Variants in SUPT5H observed in about 807,000 individuals in gnomAD.
The protein encoded by SUPT5H is SPT5 homolog, DSIF elongation factor subunit, also known as transcription elongation factor SPT5.
SUPT5H carries 24 observed loss-of-function variants against 142.5 expected under a neutral mutation model. That is an observed-to-expected ratio of 0.17 (90% CI 0.12 to 0.24). The LOEUF is 0.24. Ranked by LOEUF, SUPT5H falls within the 10% of genes least tolerant of loss-of-function variation. The pLI is 1.00. For synonymous variants in SUPT5H, 546 were observed against 553.0 expected, an observed-to-expected ratio of 0.99 and a Z score of 0.18; for missense variants, 893 against 1,471.8, an observed-to-expected ratio of 0.61 and a Z score of 6.43.
At chr19:39,464,006 G>T (rs1418817309) in intron 10 of SUPT5H, among the ~76,000 whole-genome samples, 1 of 140,204 alleles carries the variant, frequency 7.1e-6, no homozygotes, top group Non-Finnish European at 1.5e-5. Context: ...TTTTTGAGAC[G>T]GAGTTTTGCT....
chr19:39,451,779 G>C (rs1237602457), intron 2 of SUPT5H, among the ~76,000 whole-genome samples: 1 of 152,160 alleles, frequency 6.6e-6, no homozygotes, highest in Non-Finnish European at 1.5e-5. Context: ...TGATCCACCC[G>C]CTTTGGCCTC....
intron 3 of SUPT5H, among the ~76,000 whole-genome samples, chr19:39,457,112 G>A (rs746736068): frequency 6.6e-5 from 10 of 152,324 alleles, no homozygotes; most frequent in African/African-American, 1.2e-4. Context: ...GAGCCAGACT[G>A]CCTCTCTCAG....
chr19:39,458,935 T>C lies in SUPT5H; in HGVS notation c.389+48T>C, dbSNP rs770010771. 3.1e-6 allele frequency: 5 copies of C among 1,613,668 alleles called. No individual in the cohort carries two copies. The highest frequency in any genetic ancestry group is 1.7e-6 in the Non-Finnish European group (2 of 1,179,762). On this transcript the variant is annotated intron_variant, in intron 6 of 29. Coordinates refer to ENST00000432763, the MANE Select transcript of SUPT5H (RefSeq NM_001111020.3). The surrounding 1 kb of genome is among the most constrained non-coding windows in gnomAD (Gnocchi z 4.2). Reference sequence around the variant, plus strand: ...GTGGGATTGGCTCCTGTGGGGAGATTTGGGAGTAGGTCAGCCCACCTGCTG... The same window carrying C: ...GTGGGATTGGCTCCTGTGGGGAGATCTGGGAGTAGGTCAGCCCACCTGCTG...
rs760085581 is a variant in SUPT5H, at chr19:39,468,638, G to A, written c.1038-118G>A. Reference sequence around the variant, plus strand: ...CTGCCAAGAGGGTGTGTGCTGGGATGGGATGGGTCAGTCTGCCTGTGGTCC... The same window carrying A: ...CTGCCAAGAGGGTGTGTGCTGGGATAGGATGGGTCAGTCTGCCTGTGGTCC... On this transcript the variant is annotated intron_variant, in intron 13 of 29. Coordinates refer to ENST00000432763, the MANE Select transcript of SUPT5H (RefSeq NM_001111020.3). 9.7e-6 allele frequency: 8 copies of A among 821,002 alleles called. No individual in the cohort carries two copies. In the East Asian group the frequency reaches 1.3e-4, roughly 13 times the overall value. The allele number at this position is 821,002 out of a possible 1,614,324, so 50.9% of individuals were successfully genotyped here.
At chr19:39,461,205 A>C (rs1343708519) in intron 10 of SUPT5H, among the ~76,000 whole-genome samples, 1 of 151,398 alleles carries the variant, frequency 6.6e-6, no homozygotes, top group East Asian at 1.9e-4. Context: ...CAGGAGAATC[A>C]CTTGAATCTA....
intron 13 of SUPT5H, chr19:39,467,479 G>C (rs765630793): frequency 6.6e-6 from 1 of 152,236 alleles, no homozygotes; most frequent in Non-Finnish European, 1.5e-5. Flanking sequence ...CCCTTGGCAC[G>C]TAGTAAGTGT....
rs992822089 is a variant in SUPT5H at position 39,472,686 on chromosome 19, G to A, written c.2036-124G>A. Reference sequence around the variant, plus strand: ...CTTCCATAGGAAAGCCATGGGGCAGGGGTGGGCAGAGGAGGCTCTTAACCC... The same window carrying A: ...CTTCCATAGGAAAGCCATGGGGCAGAGGTGGGCAGAGGAGGCTCTTAACCC... On this transcript the variant is annotated intron_variant, in intron 21 of 29. Coordinates refer to ENST00000432763, the MANE Select transcript of SUPT5H (RefSeq NM_001111020.3). The surrounding 1 kb of genome is among the most constrained non-coding windows in gnomAD (Gnocchi z 4.2). 6.9e-7 allele frequency: 1 copy of A among 1,456,404 alleles called. No individual in the cohort carries two copies. The allele number at this position is 1,456,404 out of a possible 1,614,324, so 90.2% of individuals were successfully genotyped here.
rs984025632 is a variant in SUPT5H, at chr19:39,445,872, T to C, written c.-19T>C. ...GTGGGACGCGCCAAGGCTGCTGTCTTTCCCAGCAGCAGCGGAAGATGTCGG... is the reference window on the plus strand; with the variant it reads ...GTGGGACGCGCCAAGGCTGCTGTCTCTCCCAGCAGCAGCGGAAGATGTCGG... On this transcript the variant is annotated 5_prime_UTR_variant, in exon 2 of 30. Coordinates refer to ENST00000432763, the MANE Select transcript of SUPT5H (RefSeq NM_001111020.3). 2 of 1,612,694 alleles carry C rather than the reference T, an allele frequency of 1.2e-6. No individual in the cohort carries two copies. The highest frequency in any genetic ancestry group is 1.7e-6 in the Non-Finnish European group (2 of 1,179,644).
chr19:39,459,352 C>T, intron 8 of SUPT5H, 103 bp downstream of exon 8: 1 of 1,437,108 alleles, frequency 7.0e-7, no homozygotes, highest in South Asian at 1.2e-5. Context: ...GGCAGAGTCA[C>T]ACAGGCAGTG....
chr19:39,473,447 G>A lies in SUPT5H; in HGVS notation c.2418G>A (p.Thr806=), dbSNP rs150486012. Residue 806 remains threonine, a synonymous_variant, in exon 25 of 30, where the codon ACG becomes ACA. Transcript: ENST00000432763. This position sits in a 1 kb window ranked among gnomAD's most constrained non-coding sequence, Gnocchi z 5.8. ...GSRTPHYGSQ[T]PLHDGSRTPA... is the part of the protein sequence containing the mutation. ...GCACCCCACACTACGGCTCACAGACGCCCCTGCATGATGGCAGCCGCACTC... is the reference window on the plus strand; with the variant it reads ...GCACCCCACACTACGGCTCACAGACACCCCTGCATGATGGCAGCCGCACTC... 102 of 1,613,208 alleles carry A rather than the reference G, an allele frequency of 6.3e-5. No homozygotes were observed. In the South Asian group the frequency reaches 7.4e-4, roughly 12 times the overall value.
chr19:39,463,183 G>A (rs10410755), intron 10 of SUPT5H, among the ~76,000 whole-genome samples: 25,658 of 150,950 alleles, frequency 0.17, 2,296 homozygotes, highest in Middle Eastern at 0.29. Context: ...TGTATTTTTA[G>A]TAGAGGCAAG....
chr19:39,470,133 C>T lies in SUPT5H; in HGVS notation c.1389C>T (p.Phe463=), dbSNP rs1200128788. The T allele has an allele frequency of 2.5e-6, 4 of 1,613,020 alleles. No individual in the cohort carries two copies. The highest frequency in any genetic ancestry group is 3.4e-6 in the Non-Finnish European group (4 of 1,179,454). The change falls in exon 17 of 30, where the codon TTC becomes TTT. Residue 463 remains phenylalanine (F), a synonymous_variant. Coordinates refer to ENST00000432763, the MANE Select transcript of SUPT5H (RefSeq NM_001111020.3). The surrounding 1 kb of genome is among the most constrained non-coding windows in gnomAD (Gnocchi z 5.8). ...CAATCCCCCAGGACATGTTGGAGTTCCCAGCCCAGGAACTTAGAAAATACT... is the reference window on the plus strand; with the variant it reads ...CAATCCCCCAGGACATGTTGGAGTTTCCAGCCCAGGAACTTAGAAAATACT... The part of the protein sequence containing the change: ...KHEDLKDMLE[F]PAQELRKYFK...
chr19:39,473,269 G>T lies in SUPT5H; in HGVS notation c.2325G>T (p.Thr775=). ...YGRTPMYGSQ[T]PMYGSGSRTP... ...GGACGCCCATGTATGGCTCCCAGACGCCCATGTATGGCTCTGGCTCCCGAA... is the reference window on the plus strand; with the variant it reads ...GGACGCCCATGTATGGCTCCCAGACTCCCATGTATGGCTCTGGCTCCCGAA... Residue 775 remains threonine (T), a synonymous_variant, in exon 24 of 30, where the codon ACG becomes ACT. Transcript: ENST00000432763. This position sits in a 1 kb window ranked among gnomAD's most constrained non-coding sequence, Gnocchi z 5.8. 6.2e-7 allele frequency: 1 copy of T among 1,613,760 alleles called. No individual in the cohort carries two copies. The highest frequency in any genetic ancestry group is 8.5e-7 in the Non-Finnish European group (1 of 1,179,952).
intron 10 of SUPT5H, among the ~76,000 whole-genome samples, chr19:39,462,838 T>A (rs2079180577): frequency 9.1e-6 from 1 of 110,392 alleles, no homozygotes; most frequent in Admixed American, 8.9e-5. Flanking sequence ...GCCTTAATTT[T>A]CTTTTTTTTT....
intron 2 of SUPT5H, among the ~76,000 whole-genome samples, chr19:39,451,145 A>T: frequency 6.6e-6 from 1 of 150,952 alleles, no homozygotes; most frequent in African/African-American, 2.4e-5. Flanking sequence ...CCCTAATCTG[A>T]AAATCCAGAA....
In SUPT5H at chr19:39,472,905, C is replaced by T. The variant is rs201354316; in HGVS notation, c.2131C>T (p.Arg711Cys). Residue 711 changes from arginine to cysteine, a missense_variant, in exon 22 of 30, where the codon CGC becomes TGC. Physicochemically the swap from Arg to Cys is radical, Grantham distance 180 (BLOSUM62 -3). Transcript: ENST00000432763. The surrounding 1 kb of genome is among the most constrained non-coding windows in gnomAD (Gnocchi z 4.2). ...CAACGAACTCATCGGCCAGACCGTGCGCATCTCCCAGGGGCCCTACAAAGG... is the reference window on the plus strand; with the variant it reads ...CAACGAACTCATCGGCCAGACCGTGTGCATCTCCCAGGGGCCCTACAAAGG... ...RDNELIGQTV[R>C]ISQGPYKGYI... 1.2e-6 allele frequency: 2 copies of T among 1,613,628 alleles called. No individual in the cohort carries two copies. The highest frequency in any genetic ancestry group is 1.3e-5 in the African/African-American group (1 of 75,046).
Position 39,474,736 on chromosome 19 carries a change from T to C in SUPT5H, c.3024+18T>C. ...GTGTCACGGTACGTGGGGCCCAGGG[T>C]GGTGGGTGAGCAGGCATCCTCTCCT... is the stretch of plus-strand genomic sequence containing the variant. On this transcript the variant is annotated intron_variant, in intron 28 of 29. Transcript: ENST00000432763. This position sits in a 1 kb window ranked among gnomAD's most constrained non-coding sequence, Gnocchi z 6.5. 1 of 1,597,334 alleles carries C rather than the reference T, an allele frequency of 6.3e-7. No homozygotes were observed. The highest frequency in any genetic ancestry group is 8.5e-7 in the Non-Finnish European group (1 of 1,171,978).
At position 39,445,623 on chromosome 19, in the gene SUPT5H, G is replaced by C. The variant is rs558393890; in HGVS notation, c.-102G>C. On this transcript the variant is annotated 5_prime_UTR_variant, in exon 1 of 30. Transcript: ENST00000432763. Reference sequence around the variant, plus strand: ...AACAGCAGCTGGTACCGAAGGCGGAGGTGGAGCCCGAGAGGTAAGTGCGTG... The same window carrying C: ...AACAGCAGCTGGTACCGAAGGCGGACGTGGAGCCCGAGAGGTAAGTGCGTG... 1 of 468,016 alleles carries C rather than the reference G, an allele frequency of 2.1e-6. No individual in the cohort carries two copies. The highest frequency in any genetic ancestry group is 3.9e-6 in the Non-Finnish European group (1 of 254,524). The allele number at this position is 468,016 out of a possible 1,614,324, so 29.0% of individuals were successfully genotyped here.
chr19:39,448,246 C>G (rs1234623538), intron 2 of SUPT5H, among the ~76,000 whole-genome samples: 2 of 152,216 alleles, frequency 1.3e-5, no homozygotes, highest in African/African-American at 2.4e-5. Flanking sequence ...GTCCCAGTCA[C>G]TTATGTTGCC....
Sources: gnomAD v4.1 joint callset for allele counts (sites outside exome capture counted in the v4.1 genomes callset) on GRCh38, gnomAD v4.1.1 for gene constraint, Gnocchi (gnomAD v3.1) non-coding constraint, MANE v1.5 for transcripts, NCBI Gene and HGNC (gene_info 2026-07-23, HGNC 2026-07-21) for gene names.